The following SF3A3 variants were observed in gnomAD, a reference collection of about 807,000 sequenced individuals.
SF3A3 encodes splicing factor 3a subunit 3.
A neutral mutation model predicts 85.8 loss-of-function variants in SF3A3; 9 were observed. The observed-to-expected ratio is 0.10, with a 90% CI of 0.06 to 0.18. The LOEUF is 0.18. Ranked by LOEUF, SF3A3 falls within the 10% of genes least tolerant of loss-of-function variation. SF3A3 has a pLI of 1.00. For missense variants in SF3A3, 306 were observed against 593.3 expected (o/e 0.52, Z 5.03); for synonymous variants, 195 against 204.4 (o/e 0.95, Z 0.39).
intron 15 of SF3A3, among the ~76,000 whole-genome samples, chr1:37,960,958 C>T (rs1292100362): frequency 6.6e-6 from 1 of 151,972 alleles, no homozygotes; most frequent in Non-Finnish European, 1.5e-5. Flanking sequence ...TGGCCAACAA[C>T]TTGAATCTTA....
intron 6 of SF3A3, among the ~76,000 whole-genome samples, chr1:37,982,187 T>G (rs1021965838): frequency 6.6e-6 from 1 of 152,140 alleles, no homozygotes; most frequent in African/African-American, 2.4e-5. Flanking sequence ...TAAGCATCTT[T>G]GTACCAAGTA....
chr1:37,977,036 C>A, intron 11 of SF3A3, 83 bp from the exon 12 acceptor site: 1 of 913,034 alleles, frequency 1.1e-6, no homozygotes, highest in Non-Finnish European at 1.8e-6. Flanking sequence ...ATTTATTGCA[C>A]AACTGCATTA....
At chr1:37,966,067 G>C (rs1239217165) in intron 15 of SF3A3, among the ~76,000 whole-genome samples, 1 of 152,038 alleles carries the variant, frequency 6.6e-6, no homozygotes, top group East Asian at 1.9e-4. Flanking sequence ...GCCAGGCGTG[G>C]TGGCGAGCGC....
At chr1:37,985,308 T>G (rs1362518096) in intron 4 of SF3A3, among the ~76,000 whole-genome samples, 1 of 152,228 alleles carries the variant, frequency 6.6e-6, no homozygotes, top group Non-Finnish European at 1.5e-5. Context: ...AACTCAAAAG[T>G]CCACCTTTAT....
In SF3A3 at chr1:37,980,939, T is replaced by G. The variant is rs1430698712; in HGVS notation, c.552-215A>C. ...ATCTTGGCTCACCACAACCTCCGCC[T>G]CCCGGGTTAAAGCGATTCTCCTGTC... On this transcript the variant is annotated intron_variant, in intron 7 of 16. Transcript: ENST00000373019. 1.3e-5 allele frequency: 4 copies of G among 300,740 alleles called. No individual in the cohort carries two copies. The Admixed American group carries it at 2.4e-4, about 18-fold the overall frequency. 18.6% of individuals were successfully genotyped at this position (300,740 alleles called of 1,614,324 possible).
At chr1:37,974,163 T>C (rs1005598997) in intron 12 of SF3A3, among the ~76,000 whole-genome samples, 7 of 151,812 alleles carry the variant, frequency 4.6e-5, no homozygotes, top group Admixed American at 6.6e-5. Flanking sequence ...CACACCAACA[T>C]GGCACATGTA....
Position 37,987,565 on chromosome 1 carries a change from G to A in SF3A3, c.303+8C>T. The A allele has an allele frequency of 6.3e-7, 1 of 1,592,614 alleles. No homozygotes were observed. Among genetic ancestry groups the A allele is most frequent in the Non-Finnish European group, 8.6e-7 (1 of 1,160,362 alleles). On this transcript the variant is annotated splice_region_variant and intron_variant, in intron 4 of 16. Transcript: ENST00000373019. ...AGGTCTGGAGAAAATACTTTTCTGA[G>A]GACATACCTCATTTGGGTGCTTCCG...
intron 6 of SF3A3, among the ~76,000 whole-genome samples, chr1:37,983,377 A>C (rs974953093): frequency 4.0e-5 from 6 of 151,190 alleles, no homozygotes; most frequent in African/African-American, 1.2e-4. Flanking sequence ...TGAGCTCAGG[A>C]GTTTAAGACC....
intron 15 of SF3A3, among the ~76,000 whole-genome samples, chr1:37,965,294 C>A: frequency 9.8e-6 from 1 of 101,746 alleles, no homozygotes. Context: ...AAGGAAACCC[C>A]ATCGGCACAA....
intron 5 of SF3A3, 50 bp downstream of exon 5, chr1:37,984,657 A>G (rs773576316): frequency 8.3e-7 from 1 of 1,204,954 alleles, no homozygotes; most frequent in South Asian, 1.2e-5. Flanking sequence ...CTGAGCTGTC[A>G]TTAACCTGTA....
chr1:37,977,124 G>T (rs535095341), intron 11 of SF3A3, among the ~76,000 whole-genome samples, 171 bp from the exon 12 acceptor site: 1 of 152,190 alleles, frequency 6.6e-6, no homozygotes, highest in Non-Finnish European at 1.5e-5. Context: ...GACAAATACT[G>T]AGGGTATTTC....
chr1:37,960,065 A>T (rs528627519), intron 16 of SF3A3, 55 bp downstream of exon 16: 1 of 1,428,524 alleles, frequency 7.0e-7, no homozygotes, highest in Admixed American at 1.7e-5. Flanking sequence ...CTACATGGTG[A>T]GGGAGCTCTC....
At chr1:37,982,966 C>T (rs914803015) in intron 6 of SF3A3, among the ~76,000 whole-genome samples, 7 of 151,536 alleles carry the variant, frequency 4.6e-5, no homozygotes, top group African/African-American at 1.7e-4. Context: ...TTGAGTTTTG[C>T]TCTTGTTGCC....
chr1:37,959,957 CAAAAAA>C (rs34993722), intron 16 of SF3A3, among the ~76,000 whole-genome samples, 157 bp downstream of exon 16: 6 of 97,336 alleles, frequency 6.2e-5, no homozygotes, highest in Non-Finnish European at 1.0e-4. Context: ...GACTCCGTGT[CAAAAAA>C]AAAAAAAAAA....
chr1:37,981,943 G>T (rs7533079), intron 6 of SF3A3, 132 bp from the exon 7 acceptor site: 499,058 of 568,944 alleles, frequency 0.88, 219,326 homozygotes, highest in East Asian at 1. Flanking sequence ...GCTAATTTTG[G>T]TTTTTTTTGC....
At chr1:37,987,462 C>A in intron 4 of SF3A3, 111 bp downstream of exon 4, 1 of 769,922 alleles carries the variant, frequency 1.3e-6, no homozygotes. Context: ...AGCTAAATGG[C>A]AAGTTCTTTC....
At chr1:37,968,866 G>C (rs1646319860) in intron 14 of SF3A3, among the ~76,000 whole-genome samples, 1 of 152,116 alleles carries the variant, frequency 6.6e-6, no homozygotes, top group South Asian at 2.1e-4. Flanking sequence ...AGCCCACTTA[G>C]AGGTGAGCCC....
At position 37,962,933 on chromosome 1, in the gene SF3A3, A is replaced by G. The variant is rs560872072; in HGVS notation, c.1373-2758T>C. ...AAACCCCACCTCTACTAAAACACAC[A>G]AAAAATTAGCTGGGCATGCTGGCGT... On this transcript the variant is annotated intron_variant, in intron 15 of 16. Coordinates refer to ENST00000373019, the MANE Select transcript of SF3A3 (RefSeq NM_006802.4). Among the ~76,000 whole-genome samples the G allele has an allele frequency of 2.0e-5, 3 of 151,748 alleles. No homozygotes were observed. In the East Asian group the frequency reaches 5.9e-4, roughly 30 times the overall value.
Position 37,989,975 on chromosome 1 carries a change from G to C in SF3A3, c.-10C>G, listed in dbSNP as rs778445035. 4.4e-6 allele frequency: 7 copies of C among 1,603,938 alleles called. No individual in the cohort carries two copies. The South Asian group carries it at 6.6e-5, about 15-fold the overall frequency. ...CCAGTATTGTCTCCATCTTCCCTTA[G>C]TCGCGGCTTCTCAATTCAGACCACC... On this transcript the variant is annotated 5_prime_UTR_variant, in exon 1 of 17. Coordinates refer to ENST00000373019, the MANE Select transcript of SF3A3 (RefSeq NM_006802.4).
Sources: gnomAD v4.1 joint callset for allele counts (sites outside exome capture counted in the v4.1 genomes callset) on GRCh38, gnomAD v4.1.1 for gene constraint, MANE v1.5 for transcripts, NCBI Gene and HGNC (gene_info 2026-07-23, HGNC 2026-07-21) for gene names.